The following CAND1 variants were observed in gnomAD, a reference collection of about 807,000 sequenced individuals.
CAND1 encodes cullin-associated NEDD8-dissociated protein 1.
Under a neutral mutation model 108.5 loss-of-function variants are expected in CAND1, and 7 were observed. That is an observed-to-expected ratio of 0.06 (90% CI 0.04 to 0.12). The LOEUF (loss-of-function observed/expected upper bound fraction) is 0.12, where lower values mean the gene tolerates loss of function less well. Among genes scored for constraint, CAND1 ranks in the 10% least tolerant of loss-of-function variants. CAND1 has a pLI of 1.00. For synonymous variants in CAND1, 534 were observed against 512.0 expected, an observed-to-expected ratio of 1.04 and a Z score of -0.58; for missense variants, 941 against 1,448.7, an observed-to-expected ratio of 0.65 and a Z score of 5.69.
Position 67,280,708 on chromosome 12 carries a change from C to G in CAND1, c.69-1202C>G, listed in dbSNP as rs1381494281. ...TAAAACAATGAATTGTTTGGTAAGG[C>G]ATGTGGAGAAGAAAATCTGAGATGC... On this transcript the variant is annotated intron_variant, in intron 1 of 14. Transcript: ENST00000545606. Among the ~76,000 whole-genome samples, 10 of 152,126 alleles carry G rather than the reference C, an allele frequency of 6.6e-5. No homozygotes were observed. In the East Asian group the frequency reaches 1.9e-3, roughly 29 times the overall value.
In CAND1 at chr12:67,313,673, C is replaced by T. The variant is rs902128832; in HGVS notation, c.*843C>T. 1 of 152,602 alleles carries T rather than the reference C, an allele frequency of 6.6e-6. No homozygotes were observed. The highest frequency in any genetic ancestry group is 2.4e-5 in the African/African-American group (1 of 41,528). 9.5% of individuals were successfully genotyped at this position (152,602 alleles called of 1,614,324 possible). A position where few individuals can be genotyped will look rare whatever the true frequency, so the allele number is the denominator to read the frequency against. On this transcript the variant is annotated 3_prime_UTR_variant, in exon 15 of 15. Coordinates refer to ENST00000545606, the MANE Select transcript of CAND1 (RefSeq NM_018448.5). ...GCCACTTTTTTCTATTATAAATCTT[C>T]TTACTTAAATTTTGAATATTTAGTT...
chr12:67,288,931 T>A (rs2044697615), intron 2 of CAND1, among the ~76,000 whole-genome samples: 1 of 152,210 alleles, frequency 6.6e-6, no homozygotes, highest in South Asian at 2.1e-4. Context: ...TCTTGATGTA[T>A]GACCCTTTTA....
In CAND1 at chr12:67,292,712, A is replaced by C. The variant is rs1215911802; in HGVS notation, c.303A>C (p.Gln101His). ...CTAACATGCTTTCTGATAAAGAACA[A>C]CTTCGAGACATTTCAAGTATTGGTC... ...LCTNMLSDKE[Q>H]LRDISSIGLK... is the part of the protein sequence containing the mutation. Residue 101 changes from glutamine to histidine, a missense_variant, in exon 3 of 15, where the codon CAA (glutamine) becomes CAC (histidine). Gln to His is a conservative substitution (Grantham distance 24). Coordinates refer to ENST00000545606, the MANE Select transcript of CAND1 (RefSeq NM_018448.5). 1 of 1,613,904 alleles carries C rather than the reference A, an allele frequency of 6.2e-7. No homozygotes were observed. The highest frequency in any genetic ancestry group is 8.5e-7 in the Non-Finnish European group (1 of 1,179,878).
At chr12:67,297,918 A>G (rs2044785951) in intron 6 of CAND1, 65 bp downstream of exon 6, 2 of 852,666 alleles carry the variant, frequency 2.3e-6, no homozygotes, top group African/African-American at 3.4e-5. Flanking sequence ...CATAAGGTCT[A>G]CATTAGGTGT....
chr12:67,291,547 G>C (rs1054545133), intron 2 of CAND1, among the ~76,000 whole-genome samples: 2 of 152,110 alleles, frequency 1.3e-5, no homozygotes, highest in Admixed American at 6.5e-5. Context: ...TACAAAATGA[G>C]ATAACTTGGG....
chr12:67,278,062 G>A (rs1388940528), intron 1 of CAND1, among the ~76,000 whole-genome samples: 1 of 152,080 alleles, frequency 6.6e-6, no homozygotes, highest in African/African-American at 2.4e-5. Flanking sequence ...ATCCTGATAT[G>A]GTCTACAAAT....
Position 67,269,629 on chromosome 12 carries a change from A to G in CAND1, c.-89A>G, listed in dbSNP as rs909974693. ...GGAAGCGGGAGCCGCCGCGAGCGAG[A>G]GGAGGAGCTCCAGTGGCGGCGGCGG... On this transcript the variant is annotated 5_prime_UTR_variant, in exon 1 of 15. Coordinates refer to ENST00000545606, the MANE Select transcript of CAND1 (RefSeq NM_018448.5). 13 of 1,149,770 alleles carry G rather than the reference A, an allele frequency of 1.1e-5. No homozygotes were observed. The highest frequency in any genetic ancestry group is 1.7e-5 in the African/African-American group (1 of 60,012). The allele number at this position is 1,149,770 out of a possible 1,614,324, so 71.2% of individuals were successfully genotyped here.
rs1454148454 is a variant in CAND1 at position 67,297,642 on chromosome 12, A to G, written c.727A>G (p.Arg243Gly). 6.2e-7 allele frequency: 1 copy of G among 1,612,922 alleles called. No homozygotes were observed. The highest frequency in any genetic ancestry group is 8.5e-7 in the Non-Finnish European group (1 of 1,179,116). The change falls in exon 5 of 15, where the codon AGG becomes GGG. Residue 243 changes from arginine to glycine, a missense_variant. Physicochemically the swap from Arg to Gly is moderately radical, Grantham distance 125 (BLOSUM62 -2). Coordinates refer to ENST00000545606, the MANE Select transcript of CAND1 (RefSeq NM_018448.5). Reference sequence around the variant, plus strand: ...CATACAATGTATTGCTGCTATTAGTAGGCAAGCTGGTCATAGAATAGGTAA... The same window carrying G: ...CATACAATGTATTGCTGCTATTAGTGGGCAAGCTGGTCATAGAATAGGTAA... ...TYIQCIAAIS[R>G]QAGHRIGEYL...
At chr12:67,269,955 C>T in intron 1 of CAND1, 170 bp downstream of exon 1, 1 of 564,372 alleles carries the variant, frequency 1.8e-6, no homozygotes, top group Non-Finnish European at 3.1e-6. Context: ...CCCCTTTCCT[C>T]TCCCCTCTTG....
chr12:67,282,138 T>G, intron 2 of CAND1, 85 bp downstream of exon 2: 2 of 1,363,892 alleles, frequency 1.5e-6, no homozygotes, highest in Non-Finnish European at 2.1e-6. Context: ...GTAAATTATC[T>G]TAGCCTTGTA....
intron 3 of CAND1, 67 bp downstream of exon 3, chr12:67,292,843 C>T: frequency 6.6e-7 from 1 of 1,506,564 alleles, no homozygotes. Flanking sequence ...ACCCTTTTTT[C>T]CCCTTCTGGC....
intron 13 of CAND1, 142 bp from the exon 14 acceptor site, chr12:67,311,551 T>TCAAACCTTATCTGAGTTAAGTGCTAAAGA (rs1565731161): frequency 1.7e-5 from 10 of 592,644 alleles, no homozygotes; most frequent in East Asian, 3.0e-5. Context: ...CAAATCTGTC[T>TCAAACCTTATCTGAGTTAAGTGCTAAAGA]GATTCTGATT....
chr12:67,310,401 C>CT, intron 13 of CAND1, 85 bp downstream of exon 13: 4 of 990,598 alleles, frequency 4.0e-6, no homozygotes, highest in Non-Finnish European at 1.5e-6. Context: ...ACTCATGTGT[C>CT]TGAGAAAAAT....
chr12:67,288,479 TA>T (rs1362113473), intron 2 of CAND1, among the ~76,000 whole-genome samples: 1 of 152,184 alleles, frequency 6.6e-6, no homozygotes, highest in East Asian at 1.9e-4. Flanking sequence ...AGAAGGATGT[TA>T]AAACTTTCAA....
chr12:67,286,955 A>G (rs753736751), intron 2 of CAND1, among the ~76,000 whole-genome samples: 16 of 152,234 alleles, frequency 1.1e-4, no homozygotes, highest in Non-Finnish European at 8.8e-5. Context: ...CAAAAAATCA[A>G]TTGACTATAA....
At chr12:67,288,474 G>A (rs2044693388) in intron 2 of CAND1, among the ~76,000 whole-genome samples, 2 of 152,086 alleles carry the variant, frequency 1.3e-5, no homozygotes, top group Admixed American at 1.3e-4. Context: ...TGTTGAGAAG[G>A]ATGTTAAAAC....
In CAND1 at chr12:67,307,396, G is replaced by A; in HGVS notation, c.2930-1G>A. The A allele has an allele frequency of 6.2e-7, 1 of 1,608,414 alleles. No homozygotes were observed. The highest frequency in any genetic ancestry group is 8.5e-7 in the Non-Finnish European group (1 of 1,176,190). The stretch of plus-strand genomic sequence containing the variant: ...TAGACTTGCAATTTATTTTTAACTA[G>A]GCTCATCATATGCCCGAAGCTCAGT... On this transcript the variant is annotated splice_acceptor_variant, in intron 10 of 14. Coordinates refer to ENST00000545606, the MANE Select transcript of CAND1 (RefSeq NM_018448.5). LOFTEE classifies it high-confidence loss of function.
rs1022003915 is a variant in CAND1, at chr12:67,316,441, G to T, written c.*3611G>T. The T allele has an allele frequency of 3.9e-5, 6 of 152,154 alleles. No individual in the cohort carries two copies. The highest frequency in any genetic ancestry group is 1.4e-4 in the African/African-American group (6 of 41,434). 9.4% of individuals were successfully genotyped at this position (152,154 alleles called of 1,614,324 possible). ...TCCTATGAATATCAGAAAAGATTTT[G>T]TAAACACCTTTGCTGTAGTTTCAGG... On this transcript the variant is annotated 3_prime_UTR_variant, in exon 15 of 15. Coordinates refer to ENST00000545606, the MANE Select transcript of CAND1 (RefSeq NM_018448.5).
In CAND1 at chr12:67,312,887, G is replaced by A; in HGVS notation, c.*57G>A. The A allele has an allele frequency of 9.0e-7, 1 of 1,111,544 alleles. No homozygotes were observed. 68.9% of individuals were successfully genotyped at this position (1,111,544 alleles called of 1,614,324 possible). ...GACCATACAATGCACTGAATTGACAGGTTAATCATAAGACATGGAAAGAGA... is the reference window on the plus strand; with the variant it reads ...GACCATACAATGCACTGAATTGACAAGTTAATCATAAGACATGGAAAGAGA... On this transcript the variant is annotated 3_prime_UTR_variant, in exon 15 of 15. Transcript: ENST00000545606.
Sources: gnomAD v4.1 joint callset for allele counts (sites outside exome capture counted in the v4.1 genomes callset) on GRCh38, gnomAD v4.1.1 for gene constraint, MANE v1.5 for transcripts, NCBI Gene and HGNC (gene_info 2026-07-23, HGNC 2026-07-21) for gene names.